The following ASF1B variants were observed in gnomAD, a reference collection of about 807,000 sequenced individuals.
ASF1B encodes the protein histone chaperone ASF1B.
In ASF1B, 10 loss-of-function variants were observed where a neutral mutation model predicts 16.6. The ratio of observed to expected loss-of-function variants is 0.60; its 90% CI spans 0.37 to 1.02. The LOEUF (loss-of-function observed/expected upper bound fraction) is 1.02. ASF1B is among the 50% of genes least tolerant of loss of function. The pLI, the probability that ASF1B is intolerant of heterozygous loss-of-function variation, is 0.01. For synonymous variants in ASF1B, 101 were observed against 106.2 expected (o/e 0.95, Z 0.30); for missense variants, 240 against 266.0 (o/e 0.90, Z 0.68).
intron 1 of ASF1B, among the ~76,000 whole-genome samples, chr19:14,134,008 G>A (rs1159403820): frequency 6.6e-6 from 1 of 151,874 alleles, no homozygotes; most frequent in Non-Finnish European, 1.5e-5. Flanking sequence ...GTTTCACCGT[G>A]TTAGCCAGGA....
At chr19:14,121,451 G>T in intron 3 of ASF1B, 81 bp downstream of exon 3, 1 of 1,461,640 alleles carries the variant, frequency 6.8e-7, no homozygotes, top group Non-Finnish European at 9.4e-7. Context: ...AAGTGACCTT[G>T]ACTCTCAATT....
intron 1 of ASF1B, 133 bp downstream of exon 1, chr19:14,136,214 TG>T: frequency 6.0e-6 from 3 of 499,188 alleles, no homozygotes; most frequent in Non-Finnish European, 6.4e-6. Context: ...ACTGGCGGGC[TG>T]GGGGAGATCG....
chr19:14,136,116 G>C (rs1967492820), intron 1 of ASF1B, among the ~76,000 whole-genome samples: 1 of 151,344 alleles, frequency 6.6e-6, no homozygotes, highest in Non-Finnish European at 1.5e-5. Context: ...GTCTCCACCC[G>C]GGAGGTCAAG....
At chr19:14,129,004 T>A (rs1599358873) in intron 1 of ASF1B, among the ~76,000 whole-genome samples, 1 of 152,150 alleles carries the variant, frequency 6.6e-6, no homozygotes, top group African/African-American at 2.4e-5. Flanking sequence ...CTGAGGTCAA[T>A]ACTAATCGGC....
chr19:14,132,477 C>T (rs984113055), intron 1 of ASF1B, among the ~76,000 whole-genome samples: 2 of 152,152 alleles, frequency 1.3e-5, no homozygotes, highest in African/African-American at 4.8e-5. Flanking sequence ...CAGGATTTCT[C>T]ACTTGAGTTA....
At chr19:14,129,678 CAAAAAAAAAAA>C (rs549023648) in intron 1 of ASF1B, among the ~76,000 whole-genome samples, 10 of 34,622 alleles carry the variant, frequency 2.9e-4, no homozygotes, top group East Asian at 2.6e-3. Flanking sequence ...CAGCCTCCGT[CAAAAAAAAAAA>C]AAAAAAAAAA....
intron 2 of ASF1B, among the ~76,000 whole-genome samples, chr19:14,122,470 A>G (rs1211744572): frequency 6.6e-6 from 1 of 151,686 alleles, no homozygotes; most frequent in African/African-American, 2.4e-5. Flanking sequence ...GGCTCAAGCA[A>G]TCCTCCTGCT....
chr19:14,130,881 T>G (rs1967393983), intron 1 of ASF1B, among the ~76,000 whole-genome samples: 2 of 151,998 alleles, frequency 1.3e-5, no homozygotes, highest in Admixed American at 6.6e-5. Flanking sequence ...TTCCTGCTTT[T>G]TTGTTGTTGT....
intron 2 of ASF1B, among the ~76,000 whole-genome samples, chr19:14,122,852 GAGTA>G (rs1301699085): frequency 2.6e-5 from 4 of 152,184 alleles, no homozygotes; most frequent in Non-Finnish European, 5.9e-5. Flanking sequence ...AAGGGCAAGA[GAGTA>G]AGCAGGAGGT....
chr19:14,127,633 G>A (rs1285244782), intron 1 of ASF1B, among the ~76,000 whole-genome samples: 1 of 149,298 alleles, frequency 6.7e-6, no homozygotes, highest in African/African-American at 2.5e-5. Context: ...ATCCCGGGGT[G>A]ATCCTCCAAA....
intron 2 of ASF1B, among the ~76,000 whole-genome samples, chr19:14,122,497 C>CTGGGACAACGGTG (rs1967255092): frequency 6.6e-6 from 1 of 151,934 alleles, no homozygotes; most frequent in Admixed American, 6.6e-5. Flanking sequence ...TCCCAAATAG[C>CTGGGACAACGGTG]TGGGACAACG....
chr19:14,134,360 CG>C (rs1489879080), intron 1 of ASF1B, among the ~76,000 whole-genome samples: 5 of 151,978 alleles, frequency 3.3e-5, no homozygotes, highest in African/African-American at 9.7e-5. Flanking sequence ...CGAGAGAGAC[CG>C]GGGAGAGACA....
chr19:14,122,324 C>T (rs957531652), intron 2 of ASF1B, among the ~76,000 whole-genome samples: 5 of 151,932 alleles, frequency 3.3e-5, no homozygotes, highest in African/African-American at 1.2e-4. Context: ...ACCTCGGCCT[C>T]CCAAAGTGTT....
intron 3 of ASF1B, among the ~76,000 whole-genome samples, 170 bp from the exon 4 acceptor site, chr19:14,120,835 T>A (rs1024011218): frequency 2.6e-5 from 4 of 151,318 alleles, no homozygotes; most frequent in African/African-American, 9.8e-5. Flanking sequence ...TTATTTATTT[T>A]TTGAGACGGA....
At chr19:14,120,742 C>A in intron 3 of ASF1B, 77 bp from the exon 4 acceptor site, 1 of 1,414,836 alleles carries the variant, frequency 7.1e-7, no homozygotes, top group African/African-American at 1.4e-5. Context: ...CACCCCCAAT[C>A]ACCCATCTCA....
intron 1 of ASF1B, among the ~76,000 whole-genome samples, chr19:14,126,979 C>T (rs532587420): frequency 3.3e-5 from 5 of 152,186 alleles, no homozygotes; most frequent in East Asian, 1.9e-4. Flanking sequence ...TGGTGTGCAG[C>T]GGGATGTTCA....
At chr19:14,135,977 C>G (rs930449824) in intron 1 of ASF1B, among the ~76,000 whole-genome samples, 2 of 151,272 alleles carry the variant, frequency 1.3e-5, no homozygotes, top group Non-Finnish European at 2.9e-5. Flanking sequence ...AGGAAGAGCT[C>G]CAGAGAAAAA....
intron 2 of ASF1B, among the ~76,000 whole-genome samples, chr19:14,124,617 A>G (rs1471234143): frequency 2.0e-5 from 3 of 152,194 alleles, no homozygotes; most frequent in Admixed American, 1.3e-4. Context: ...ACATGCACAG[A>G]GCAGGGAAAA....
intron 2 of ASF1B, among the ~76,000 whole-genome samples, chr19:14,125,124 AC>A (rs1447717422): frequency 7.9e-5 from 12 of 151,846 alleles, no homozygotes; most frequent in African/African-American, 2.9e-4. Context: ...GCGCCACCAC[AC>A]CTGGCTGATT....
Sources: allele counts gnomAD v4.1 joint callset (sites outside exome capture counted in the v4.1 genomes callset), GRCh38; gene constraint gnomAD v4.1.1; transcripts MANE v1.5; gene names NCBI Gene and HGNC (gene_info 2026-07-23, HGNC 2026-07-21).